Variants in IL16 observed in about 807,000 individuals in gnomAD.
The protein encoded by IL16 is interleukin 16.
A neutral mutation model predicts 110.1 loss-of-function variants in IL16; 67 were observed. That is an observed-to-expected ratio of 0.61 (90% CI 0.50 to 0.75). The LOEUF (loss-of-function observed/expected upper bound fraction) is 0.75, where lower values mean the gene tolerates loss of function less well. Among genes scored for constraint, IL16 ranks in the 30% least tolerant of loss-of-function variants. The pLI is 0.00. For missense variants in IL16, 1,545 were observed against 1,655.0 expected (o/e 0.93, Z 1.15); for synonymous variants, 689 against 662.9 (o/e 1.04, Z -0.61).
intron 1 of IL16, among the ~76,000 whole-genome samples, chr15:81,214,942 A>C (rs1343840783): frequency 6.6e-6 from 1 of 152,058 alleles, no homozygotes; most frequent in East Asian, 1.9e-4. Flanking sequence ...TGTAGTATGA[A>C]ATTTTTGTAG....
intron 10 of IL16, among the ~76,000 whole-genome samples, chr15:81,288,312 G>C (rs1386891716): frequency 6.6e-6 from 1 of 152,152 alleles, no homozygotes; most frequent in Non-Finnish European, 1.5e-5. Flanking sequence ...AGAGCCTCTG[G>C]TTCCTCAACT....
At chr15:81,222,961 A>G (rs1159497954) in intron 1 of IL16, among the ~76,000 whole-genome samples, 1 of 152,186 alleles carries the variant, frequency 6.6e-6, no homozygotes, top group Admixed American at 6.6e-5. Flanking sequence ...GCAGAGGAAC[A>G]TTCACAATTT....
rs774102364 is a variant in IL16, at chr15:81,300,371, C to G, written c.3045C>G (p.Pro1015=). 24 of 1,614,068 alleles carry G rather than the reference C, an allele frequency of 1.5e-5. No individual in the cohort carries two copies. The Middle Eastern group carries it at 4.9e-4, about 33-fold the overall frequency. The change falls in exon 14 of 19, where the codon CCC becomes CCG. Residue 1015 remains proline (P), a synonymous_variant. Transcript: ENST00000683961. ...CTTCTATCTCCTGTGCCCAGACTCC[C>G]TGCATCCCCAAGGAAGGGGCATCTC... ...LPSSISCAQT[P]CIPKEGASPT... is the part of the protein sequence containing the mutation.
At chr15:81,217,226 G>A (rs1355606763) in intron 1 of IL16, among the ~76,000 whole-genome samples, 2 of 152,148 alleles carry the variant, frequency 1.3e-5, no homozygotes, top group African/African-American at 2.4e-5. Flanking sequence ...CAGAGCACTG[G>A]TCAGGAGAGC....
chr15:81,240,999 A>G (rs1595983830), intron 2 of IL16, among the ~76,000 whole-genome samples: 1 of 151,988 alleles, frequency 6.6e-6, no homozygotes, highest in Non-Finnish European at 1.5e-5. Context: ...ATAGGGGTAC[A>G]TTATTTTTTT....
At chr15:81,256,845 A>G (rs1052692785) in intron 2 of IL16, among the ~76,000 whole-genome samples, 2 of 152,180 alleles carry the variant, frequency 1.3e-5, no homozygotes, top group Non-Finnish European at 2.9e-5. Flanking sequence ...AAATTAATAA[A>G]ATCACATTTT....
intron 6 of IL16, among the ~76,000 whole-genome samples, chr15:81,275,830 A>G (rs1037419456): frequency 6.6e-6 from 1 of 152,200 alleles, no homozygotes; most frequent in Non-Finnish European, 1.5e-5. Flanking sequence ...AGTTGCAACA[A>G]AAGTTTGGTG....
Position 81,274,796 on chromosome 15 carries a change from A to G in IL16, c.790+1592A>G, listed in dbSNP as rs77660919. On this transcript the variant is annotated intron_variant, in intron 6 of 18. Coordinates refer to ENST00000683961, the MANE Select transcript of IL16 (RefSeq NM_172217.5). ...TTTTACCATCTGGGTCTTTACAGAAAAAGTTTATCAACCCGAGCACTATGC... is the reference window on the plus strand; with the variant it reads ...TTTTACCATCTGGGTCTTTACAGAAGAAGTTTATCAACCCGAGCACTATGC... Among the ~76,000 whole-genome samples the G allele has an allele frequency of 9.7e-3, 1,471 of 152,342 alleles. 10 individuals carry two copies. Among genetic ancestry groups the G allele is most frequent in the Non-Finnish European group, 0.015 (1,006 of 68,016 alleles).
At chr15:81,244,548 A>G (rs1044733537) in intron 2 of IL16, among the ~76,000 whole-genome samples, 9 of 152,104 alleles carry the variant, frequency 5.9e-5, no homozygotes, top group Non-Finnish European at 4.4e-5. Context: ...TAAGAAATCT[A>G]CTGTCATCTG....
chr15:81,191,826 A>G (rs1895501966), intron 1 of IL16, among the ~76,000 whole-genome samples: 1 of 152,234 alleles, frequency 6.6e-6, no homozygotes. Context: ...AGAAAGAGCC[A>G]GAAGGCCAGG....
At chr15:81,297,406 G>A (rs1900043520) in intron 13 of IL16, among the ~76,000 whole-genome samples, 1 of 152,262 alleles carries the variant, frequency 6.6e-6, no homozygotes, top group Non-Finnish European at 1.5e-5. Context: ...CCTCTAGGGT[G>A]CCAACATTCC....
chr15:81,238,859 A>C (rs893809665), intron 2 of IL16, among the ~76,000 whole-genome samples: 8 of 127,364 alleles, frequency 6.3e-5, no homozygotes, highest in Admixed American at 2.3e-4. Flanking sequence ...GAATATCTTT[A>C]TTTTCCATCA....
chr15:81,257,333 G>T (rs935520343), intron 2 of IL16, among the ~76,000 whole-genome samples: 10 of 152,220 alleles, frequency 6.6e-5, no homozygotes, highest in Non-Finnish European at 1.3e-4. Context: ...TCTGGCTCCA[G>T]TTGGCGACAG....
chr15:81,188,533 T>TCAG, intron 1 of IL16: 1 of 437,108 alleles, frequency 2.3e-6, no homozygotes, highest in South Asian at 1.6e-5. Context: ...CAGACACTAG[T>TCAG]CAGCAGCAGC....
rs1900166607 is a variant in IL16, at chr15:81,299,675, T to G, written c.2349T>G (p.Pro783=). The G allele has an allele frequency of 1.3e-5, 21 of 1,614,234 alleles. No homozygotes were observed. Among genetic ancestry groups the G allele is most frequent in the Non-Finnish European group, 1.8e-5 (21 of 1,180,050 alleles). The change falls in exon 14 of 19, where the codon CCT becomes CCG. Residue 783 remains proline (P), a synonymous_variant. Coordinates refer to ENST00000683961, the MANE Select transcript of IL16 (RefSeq NM_172217.5). ...ACAGCAGCACTGTGAAGAAAGGTCCTCCTGTGGCTCCCAAGCCAGCCTGGT... is the reference window on the plus strand; with the variant it reads ...ACAGCAGCACTGTGAAGAAAGGTCCGCCTGTGGCTCCCAAGCCAGCCTGGT... ...SADSSTVKKG[P]PVAPKPAWFR...
At chr15:81,215,166 G>A (rs542264493) in intron 1 of IL16, among the ~76,000 whole-genome samples, 1 of 152,334 alleles carries the variant, frequency 6.6e-6, no homozygotes, top group South Asian at 2.1e-4. Context: ...TAGGGAACTA[G>A]TGGACTCATT....
rs1338198450 is a variant in IL16, at chr15:81,225,636, G to A, written c.237G>A (p.Leu79=). 8.1e-6 allele frequency: 13 copies of A among 1,613,892 alleles called. No homozygotes were observed. Among genetic ancestry groups the A allele is most frequent in the Non-Finnish European group, 1.0e-5 (12 of 1,179,992 alleles). Reference sequence around the variant, plus strand: ...CCAGCAGTGTTCCTGATCTAGCACTGGCCTCGGAGGCTGCTCAACTCCAAG... The same window carrying A: ...CCAGCAGTGTTCCTGATCTAGCACTAGCCTCGGAGGCTGCTCAACTCCAAG... ...AGPSSVPDLA[L]ASEAAQLQAA... is the part of the protein sequence containing the mutation. Residue 79 remains leucine, a synonymous_variant, in exon 2 of 19, where the codon CTG becomes CTA. Coordinates refer to ENST00000683961, the MANE Select transcript of IL16 (RefSeq NM_172217.5).
intron 3 of IL16, among the ~76,000 whole-genome samples, chr15:81,265,253 T>C (rs949729750): frequency 6.6e-6 from 1 of 152,204 alleles, no homozygotes; most frequent in Non-Finnish European, 1.5e-5. Context: ...GGGTCTCGCC[T>C]GTTTGTGCTT....
chr15:81,285,851 C>G, intron 10 of IL16, 21 bp downstream of exon 10: 1 of 1,612,810 alleles, frequency 6.2e-7, no homozygotes, highest in Non-Finnish European at 8.5e-7. Context: ...CTGGGTTATC[C>G]TCTTCTTCTC....
Sources: allele counts gnomAD v4.1 joint callset (sites outside exome capture counted in the v4.1 genomes callset), GRCh38; gene constraint gnomAD v4.1.1; transcripts MANE v1.5; gene names NCBI Gene and HGNC (gene_info 2026-07-23, HGNC 2026-07-21).